SLC4A8: variants seen among roughly 807,000 people sequenced by gnomAD.
SLC4A8 encodes solute carrier family 4 member 8.
A neutral mutation model predicts 125.0 loss-of-function variants in SLC4A8; 40 were observed. That is an observed-to-expected ratio of 0.32 (90% CI 0.25 to 0.42). The LOEUF (loss-of-function observed/expected upper bound fraction) is 0.42, where lower values mean the gene tolerates loss of function less well. Ranked by LOEUF, SLC4A8 falls within the 10% of genes least tolerant of loss-of-function variation. The pLI, the probability that SLC4A8 is intolerant of heterozygous loss-of-function variation, is 1.00. For synonymous variants in SLC4A8, 456 were observed against 476.0 expected, an observed-to-expected ratio of 0.96 and a Z score of 0.55; for missense variants, 863 against 1,355.1, an observed-to-expected ratio of 0.64 and a Z score of 5.70.
Position 51,511,883 on chromosome 12 carries a change from T to G in SLC4A8, c.*4445T>G, listed in dbSNP as rs146028396. ...GGCAGAAACACCAAGCTGTGGGTAATTGATGTGCGTGTCACTGATTCCTGC... is the reference window on the plus strand; with the variant it reads ...GGCAGAAACACCAAGCTGTGGGTAAGTGATGTGCGTGTCACTGATTCCTGC... On this transcript the variant is annotated 3_prime_UTR_variant, in exon 25 of 25. Transcript: ENST00000453097. 1.3e-5 allele frequency: 2 copies of G among 152,334 alleles called. No homozygotes were observed. The highest frequency in any genetic ancestry group is 4.8e-5 in the African/African-American group (2 of 41,566). The allele number at this position is 152,334 out of a possible 1,614,324, so 9.4% of individuals were successfully genotyped here.
At chr12:51,428,604 A>G (rs1190467247) in intron 1 of SLC4A8, among the ~76,000 whole-genome samples, 1 of 152,170 alleles carries the variant, frequency 6.6e-6, no homozygotes. Flanking sequence ...GTCTGGCTCC[A>G]TATCATTCTA....
At chr12:51,485,335 C>T (rs1213412882) in intron 16 of SLC4A8, among the ~76,000 whole-genome samples, 2 of 151,932 alleles carry the variant, frequency 1.3e-5, no homozygotes, top group African/African-American at 4.8e-5. Context: ...GGAGCAGTGG[C>T]GGTGGTAAGA....
intron 22 of SLC4A8, chr12:51,502,306 G>C (rs1334662533): frequency 6.6e-6 from 1 of 150,588 alleles, no homozygotes. Context: ...CATGATTTCA[G>C]CTCACTACAA....
chr12:51,475,939 T>C (rs931233369), intron 16 of SLC4A8, among the ~76,000 whole-genome samples: 1 of 152,184 alleles, frequency 6.6e-6, no homozygotes, highest in Non-Finnish European at 1.5e-5. Flanking sequence ...GAAACATCTA[T>C]AATAAATGAC....
At chr12:51,431,978 G>C (rs1026129233) in intron 1 of SLC4A8, among the ~76,000 whole-genome samples, 1 of 152,156 alleles carries the variant, frequency 6.6e-6, no homozygotes, top group Non-Finnish European at 1.5e-5. Flanking sequence ...ACACAGACTT[G>C]ATTAGAGTTC....
intron 16 of SLC4A8, chr12:51,480,270 C>T (rs4761970): frequency 0.42 from 533,510 of 1,260,180 alleles, 118,665 homozygotes; most frequent in Non-Finnish European, 0.46. Context: ...TTGGGAAAAA[C>T]TGGAGCAAAT....
chr12:51,496,508 C>T (rs1951462978), intron 21 of SLC4A8, among the ~76,000 whole-genome samples: 1 of 152,168 alleles, frequency 6.6e-6, no homozygotes, highest in Non-Finnish European at 1.5e-5. Flanking sequence ...ACAAAAACCA[C>T]TAGAGACAAA....
intron 2 of SLC4A8, among the ~76,000 whole-genome samples, chr12:51,450,472 G>A (rs527747918): frequency 6.6e-6 from 1 of 152,270 alleles, no homozygotes; most frequent in East Asian, 1.9e-4. Context: ...CCTTACCTGT[G>A]CTCTTAACGA....
chr12:51,479,654 G>C (rs954765997), intron 16 of SLC4A8, among the ~76,000 whole-genome samples: 30 of 143,314 alleles, frequency 2.1e-4, no homozygotes, highest in Non-Finnish European at 2.4e-4. Context: ...CTGCATTCCA[G>C]CCTGGGCGAC....
chr12:51,430,173 G>A (rs1334464855), intron 1 of SLC4A8, among the ~76,000 whole-genome samples: 1 of 152,136 alleles, frequency 6.6e-6, no homozygotes, highest in Non-Finnish European at 1.5e-5. Flanking sequence ...ACCCTGGTAA[G>A]TGGGTGATAA....
At chr12:51,399,519 C>T (rs1051631059) in intron 1 of SLC4A8, among the ~76,000 whole-genome samples, 1 of 152,048 alleles carries the variant, frequency 6.6e-6, no homozygotes, top group Non-Finnish European at 1.5e-5. Flanking sequence ...AAAAGTAGTC[C>T]TCTTACTGAG....
At chr12:51,495,217 G>C (rs1951429474) in intron 21 of SLC4A8, 99 bp downstream of exon 21, 1 of 998,696 alleles carries the variant, frequency 1.0e-6, no homozygotes, top group South Asian at 1.8e-5. Flanking sequence ...GTGTACAGTT[G>C]AGTGGCATTA....
Position 51,513,400 on chromosome 12 carries a change from T to C in SLC4A8, c.*5962T>C, listed in dbSNP as rs2201246. 0.54 allele frequency: 81,556 copies of C among 151,772 alleles called. 22,013 individuals carry two copies. The highest frequency in any genetic ancestry group is 0.57 in the African/African-American group (23,725 of 41,386). 9.4% of individuals were successfully genotyped at this position (151,772 alleles called of 1,614,324 possible). A position where few individuals can be genotyped will look rare whatever the true frequency, so the allele number is the denominator to read the frequency against. ...TAGTAAACCATATATTTCCAAAAGA[T>C]GGTGTGAAGAGTCGTTTCTCTTCGT... On this transcript the variant is annotated 3_prime_UTR_variant, in exon 25 of 25. Transcript: ENST00000453097.
At chr12:51,409,606 T>C (rs1259436982) in intron 1 of SLC4A8, among the ~76,000 whole-genome samples, 1 of 152,150 alleles carries the variant, frequency 6.6e-6, no homozygotes, top group East Asian at 1.9e-4. Flanking sequence ...TGGCTATTCA[T>C]AGGTGCAATC....
Position 51,469,656 on chromosome 12 carries a change from CT to C in SLC4A8, c.1393del (p.Trp465GlyfsTer44). On this transcript the variant is annotated frameshift_variant, in exon 12 of 25. Transcript: ENST00000453097. LOFTEE classifies it high-confidence loss of function. ...TGCTGGACATCAAGCGGAAGGCCCC[CT>C]GGTACTGGAGCGACTACCGAGATGC... Reference protein sequence around the residue: ...LVLDIKRKAPWYWSDYRDALS... With the variant: ...LVLDIKRKAPXYWSDYRDALS... The C allele has an allele frequency of 2.5e-6, 4 of 1,608,486 alleles. No individual in the cohort carries two copies. The highest frequency in any genetic ancestry group is 3.4e-6 in the Non-Finnish European group (4 of 1,177,848).
chr12:51,400,765 TATATATATATATACATACATACACAC>T (rs1458367407), intron 1 of SLC4A8, among the ~76,000 whole-genome samples: 1 of 7,916 alleles, frequency 1.3e-4, no homozygotes, highest in African/African-American at 3.3e-4. Context: ...TATATATATA[TATATATATATATACATACATACACAC>T]ACACACACAC....
rs35314224 is a variant in SLC4A8 at position 51,409,032 on chromosome 12, CTT to C, written c.-112+17554_-112+17555del. ...AAAGGAGAATTAGCATATATATATA[CTT>C]TTTTTTTTTGAGACAGGATCTCACT... On this transcript the variant is annotated intron_variant, in intron 1 of 24. Transcript: ENST00000358657. Among the ~76,000 whole-genome samples, 13 of 149,298 alleles carry C rather than the reference CTT, an allele frequency of 8.7e-5. No individual in the cohort carries two copies. In the South Asian group the frequency reaches 2.3e-3, roughly 27 times the overall value.
At chr12:51,439,176 C>A (rs1481365527) in intron 1 of SLC4A8, among the ~76,000 whole-genome samples, 1 of 152,140 alleles carries the variant, frequency 6.6e-6, no homozygotes, top group Non-Finnish European at 1.5e-5. Flanking sequence ...CCTGCCTCAG[C>A]CTCCTGAGTA....
intron 16 of SLC4A8, among the ~76,000 whole-genome samples, chr12:51,477,365 A>G (rs546832531): frequency 1.3e-5 from 2 of 152,352 alleles, no homozygotes; most frequent in Admixed American, 6.5e-5. Flanking sequence ...AAGCAAGTAA[A>G]TATTTTAATG....
Sources: allele counts gnomAD v4.1 joint callset (sites outside exome capture counted in the v4.1 genomes callset), GRCh38; gene constraint gnomAD v4.1.1; transcripts MANE v1.5; gene names NCBI Gene and HGNC (gene_info 2026-07-23, HGNC 2026-07-21).